The following IL1RAPL2 variants were observed in gnomAD, a reference collection of about 807,000 sequenced individuals.
IL1RAPL2 encodes the protein interleukin 1 receptor accessory protein like 2.
In IL1RAPL2, 3 loss-of-function variants were observed where a neutral mutation model predicts 44.1. That is an observed-to-expected ratio of 0.07 (90% CI 0.03 to 0.18). IL1RAPL2 has a LOEUF of 0.18. Among genes scored for constraint, IL1RAPL2 ranks in the 10% least tolerant of loss-of-function variants. IL1RAPL2 has a pLI of 1.00. For missense variants in IL1RAPL2, 391 were observed against 496.4 expected (o/e 0.79, Z 2.02); for synonymous variants, 181 against 178.8 (o/e 1.01, Z -0.10).
At position 105,352,398 on chromosome X, in the gene IL1RAPL2, C is replaced by G. The variant is rs772919043; in HGVS notation, c.697+84857C>G. The stretch of plus-strand genomic sequence containing the variant: ...TGTTAATATTAGCTTCAAGTCTTTA[C>G]CATAAATTTCAAAGTCCTCTGTACT... On this transcript the variant is annotated intron_variant, in intron 5 of 10. Coordinates refer to ENST00000372582, the MANE Select transcript of IL1RAPL2 (RefSeq NM_017416.2). Among the ~76,000 whole-genome samples, 5 of 112,232 alleles carry G rather than the reference C, an allele frequency of 4.5e-5. No homozygotes were observed. The South Asian group carries it at 1.9e-3, about 42-fold the overall frequency.
chrX:104,633,388 A>G (rs994693557), intron 1 of IL1RAPL2, among the ~76,000 whole-genome samples: 19 of 111,259 alleles, frequency 1.7e-4, no homozygotes, highest in Admixed American at 6.7e-4. Flanking sequence ...CTCTTTTTCT[A>G]TTGATTGGAA....
chrX:105,703,498 AG>A (rs897844198), intron 6 of IL1RAPL2, among the ~76,000 whole-genome samples: 14 of 111,617 alleles, frequency 1.3e-4, no homozygotes, highest in Non-Finnish European at 2.3e-4. Flanking sequence ...TCACAATGTA[AG>A]GGCCACAGAT....
intron 2 of IL1RAPL2, among the ~76,000 whole-genome samples, chrX:104,660,645 A>G (rs959560825): frequency 6.6e-5 from 7 of 106,291 alleles, no homozygotes; most frequent in African/African-American, 1.4e-4. Context: ...ACACACATAC[A>G]CATATAGCTG....
chrX:104,705,452 A>C (rs182844668), intron 2 of IL1RAPL2, among the ~76,000 whole-genome samples: 1 of 111,439 alleles, frequency 9.0e-6, no homozygotes, highest in East Asian at 2.9e-4. Flanking sequence ...GCTGTAGTAA[A>C]TATGCTTTGG....
chrX:105,650,465 A>T (rs1443541486), intron 6 of IL1RAPL2, among the ~76,000 whole-genome samples: 1 of 111,550 alleles, frequency 9.0e-6, no homozygotes, highest in Non-Finnish European at 1.9e-5. Context: ...TATTCTTCAA[A>T]TTTTTACCAA....
chrX:104,655,895 T>A (rs1328209356), intron 1 of IL1RAPL2, among the ~76,000 whole-genome samples: 1 of 111,684 alleles, frequency 9.0e-6, no homozygotes, highest in Non-Finnish European at 1.9e-5. Flanking sequence ...CCTGGTTTAG[T>A]CTTTGGAGGG....
chrX:105,555,079 T>G (rs1327682921), intron 6 of IL1RAPL2, among the ~76,000 whole-genome samples: 3 of 109,113 alleles, frequency 2.7e-5, no homozygotes, highest in East Asian at 5.7e-4. Flanking sequence ...GGTAGTTGTT[T>G]TTTTTTTTTT....
chrX:104,674,822 T>C (rs769408116), intron 2 of IL1RAPL2, among the ~76,000 whole-genome samples: 5 of 111,702 alleles, frequency 4.5e-5, no homozygotes, highest in East Asian at 5.6e-4. Flanking sequence ...TGGTTTAGTT[T>C]TGGGAGAGTG....
At chrX:104,721,964 G>T (rs1350029263) in intron 2 of IL1RAPL2, among the ~76,000 whole-genome samples, 1 of 111,336 alleles carries the variant, frequency 9.0e-6, no homozygotes, top group Non-Finnish European at 1.9e-5. Context: ...AATATCCAAA[G>T]CACAGTATCT....
chrX:104,916,400 G>C (rs1318198643), intron 2 of IL1RAPL2, among the ~76,000 whole-genome samples: 2 of 111,662 alleles, frequency 1.8e-5, no homozygotes, highest in Non-Finnish European at 3.8e-5. Context: ...GAATGCTTGT[G>C]ATTTTTGTAC....
intron 2 of IL1RAPL2, among the ~76,000 whole-genome samples, chrX:105,002,090 C>T (rs753498280): frequency 9.0e-6 from 1 of 110,660 alleles, no homozygotes; most frequent in Non-Finnish European, 1.9e-5. Flanking sequence ...GGAAATGGCA[C>T]AGAATAGAAA....
intron 6 of IL1RAPL2, among the ~76,000 whole-genome samples, chrX:105,542,731 A>ATTTATTTT (rs1491487172): frequency 3.1e-4 from 14 of 45,378 alleles, no homozygotes; most frequent in Admixed American, 2.6e-3. Context: ...TTATTTATTT[A>ATTTATTTT]ATTTATTATT....
chrX:105,315,230 A>G (rs1373599056), intron 5 of IL1RAPL2, among the ~76,000 whole-genome samples: 1 of 110,427 alleles, frequency 9.1e-6, no homozygotes, highest in East Asian at 2.9e-4. Context: ...ACAGGGAACA[A>G]CTTGACCTCT....
intron 1 of IL1RAPL2, among the ~76,000 whole-genome samples, chrX:104,609,419 G>A (rs190273192): frequency 9.0e-6 from 1 of 111,446 alleles, no homozygotes; most frequent in African/African-American, 3.2e-5. Context: ...GGTTGGGAAA[G>A]TTCTAGATAA....
At chrX:104,878,147 C>T (rs755597348) in intron 2 of IL1RAPL2, among the ~76,000 whole-genome samples, 1 of 111,751 alleles carries the variant, frequency 8.9e-6, no homozygotes, top group East Asian at 2.8e-4. Flanking sequence ...TACCAGTTAG[C>T]ATGGACCCCG....
intron 2 of IL1RAPL2, among the ~76,000 whole-genome samples, chrX:104,754,516 A>C (rs778578466): frequency 1.3e-4 from 15 of 111,546 alleles, no homozygotes; most frequent in Non-Finnish European, 2.6e-4. Context: ...GGAGATAGGG[A>C]TTAGAGGCAG....
At chrX:105,622,471 G>A (rs1432289254) in intron 6 of IL1RAPL2, among the ~76,000 whole-genome samples, 4 of 109,881 alleles carry the variant, frequency 3.6e-5, no homozygotes, top group African/African-American at 1.3e-4. Flanking sequence ...TTCATTCTGG[G>A]TGTTATAAAT....
intron 2 of IL1RAPL2, among the ~76,000 whole-genome samples, chrX:104,819,192 C>T (rs980052665): frequency 1.4e-4 from 16 of 112,188 alleles, no homozygotes; most frequent in African/African-American, 4.2e-4. Context: ...ATAAACCAAT[C>T]GTAAATTGAA....
chrX:105,164,088 C>G (rs1202167888), intron 2 of IL1RAPL2, among the ~76,000 whole-genome samples: 2 of 55,177 alleles, frequency 3.6e-5, no homozygotes, highest in Admixed American at 4.8e-4. Flanking sequence ...ATTTCAATTG[C>G]CTTTGGAAAA....
Sources: gnomAD v4.1 joint callset for allele counts (sites outside exome capture counted in the v4.1 genomes callset) on GRCh38, gnomAD v4.1.1 for gene constraint, MANE v1.5 for transcripts, NCBI Gene and HGNC (gene_info 2026-07-23, HGNC 2026-07-21) for gene names.